PDE4D: variants seen among roughly 807,000 people sequenced by gnomAD.
PDE4D encodes 3',5'-cyclic-AMP phosphodiesterase 4D.
Under a neutral mutation model 87.4 loss-of-function variants are expected in PDE4D, and 24 were observed. That is an observed-to-expected ratio of 0.27 (90% CI 0.20 to 0.39). PDE4D has a LOEUF of 0.39. Among genes scored for constraint, PDE4D ranks in the 10% least tolerant of loss-of-function variants. The probability of loss-of-function intolerance (pLI) is 1.00; values close to 1 mark genes in which losing one functional copy is unlikely to be tolerated. For missense variants in PDE4D, 714 were observed against 1,041.0 expected, an observed-to-expected ratio of 0.69 and a Z score of 4.32; for synonymous variants, 384 against 383.2, an observed-to-expected ratio of 1.00 and a Z score of -0.02.
At chr5:59,916,991 AG>A (rs1206617202) in intron 3 of PDE4D, among the ~76,000 whole-genome samples, 9 of 55,090 alleles carry the variant, frequency 1.6e-4, no homozygotes, top group Non-Finnish European at 2.3e-4. Context: ...TTTAGTAGAG[AG>A]GGGGTTTCAT....
At chr5:59,179,973 T>C (rs1347670304) in intron 5 of PDE4D, among the ~76,000 whole-genome samples, 3 of 152,164 alleles carry the variant, frequency 2.0e-5, no homozygotes, top group Non-Finnish European at 4.4e-5. Flanking sequence ...GGAATTGAGA[T>C]AATTTTATTT....
chr5:59,200,367 A>G lies in PDE4D; in HGVS notation c.648-6831T>C, dbSNP rs1306769786. On this transcript the variant is annotated intron_variant, in intron 2 of 14. Coordinates refer to ENST00000340635, the MANE Select transcript of PDE4D (RefSeq NM_001104631.2). ...TACACGTATACATACACGTGTATGTACAGCTACACGTATACATACACGTGT... is the reference window on the plus strand; with the variant it reads ...TACACGTATACATACACGTGTATGTGCAGCTACACGTATACATACACGTGT... Among the ~76,000 whole-genome samples, 9 of 80,794 alleles carry G rather than the reference A, an allele frequency of 1.1e-4. 1 individual carries two copies. The highest frequency in any genetic ancestry group is 5.6e-4 in the African/African-American group (9 of 16,024). The allele number at this position is 80,794 out of a possible 152,430, so 53.0% of individuals were successfully genotyped here. A position where few individuals can be genotyped will look rare whatever the true frequency, so the allele number is the denominator to read the frequency against.
At chr5:59,876,532 C>T (rs1748632143) in intron 1 of PDE4D, among the ~76,000 whole-genome samples, 1 of 152,114 alleles carries the variant, frequency 6.6e-6, no homozygotes, top group East Asian at 1.9e-4. Context: ...CTAATAATAT[C>T]AACCTATTTA....
At position 59,646,832 on chromosome 5, in the gene PDE4D, G is replaced by C. The variant is rs540710232; in HGVS notation, c.455+246336C>G. ...AGGCGGATCATGAGGTCAGGAGATC[G>C]AGACCATCCTGGCTAACATGGTGAA... is the stretch of plus-strand genomic sequence containing the variant. On this transcript the variant is annotated intron_variant, in intron 1 of 14. Coordinates refer to ENST00000340635, the MANE Select transcript of PDE4D (RefSeq NM_001104631.2). 1.3e-4 allele frequency among the ~76,000 whole-genome samples: 20 copies of C among 152,172 alleles called. No individual in the cohort carries two copies. The South Asian group carries it at 3.5e-3, about 27-fold the overall frequency.
intron 2 of PDE4D, among the ~76,000 whole-genome samples, chr5:60,013,328 T>G (rs912936675): frequency 6.6e-6 from 1 of 152,198 alleles, no homozygotes; most frequent in African/African-American, 2.4e-5. Context: ...CCTTGAGCTA[T>G]GCAAGCGCTG....
chr5:59,029,878 A>AC (rs1203969186), intron 6 of PDE4D, among the ~76,000 whole-genome samples: 1 of 152,202 alleles, frequency 6.6e-6, no homozygotes, highest in African/African-American at 2.4e-5. Flanking sequence ...CCAGAAGTAA[A>AC]TCCAAGTATT....
At chr5:59,007,808 C>T (rs1409350687) in intron 6 of PDE4D, among the ~76,000 whole-genome samples, 1 of 151,820 alleles carries the variant, frequency 6.6e-6, no homozygotes, top group Non-Finnish European at 1.5e-5. Context: ...AGCTGAGAAT[C>T]GTTCTCTAAA....
intron 1 of PDE4D, among the ~76,000 whole-genome samples, chr5:59,698,472 A>C (rs1339715738): frequency 6.6e-6 from 1 of 151,478 alleles, no homozygotes; most frequent in Non-Finnish European, 1.5e-5. Context: ...GCAGAAGGAA[A>C]GAGATCTGAA....
intron 3 of PDE4D, among the ~76,000 whole-genome samples, chr5:59,959,876 C>G (rs946786939): frequency 1.3e-5 from 2 of 152,158 alleles, no homozygotes; most frequent in Non-Finnish European, 2.9e-5. Flanking sequence ...AGCTTCTGAA[C>G]AGCAAAAGAA....
chr5:59,425,263 C>A (rs771488494), intron 1 of PDE4D, among the ~76,000 whole-genome samples: 1 of 152,102 alleles, frequency 6.6e-6, no homozygotes, highest in South Asian at 2.1e-4. Context: ...AAATATCAAT[C>A]ATCTAGATAT....
At chr5:59,687,065 T>C (rs1749994532) in intron 1 of PDE4D, among the ~76,000 whole-genome samples, 1 of 152,144 alleles carries the variant, frequency 6.6e-6, no homozygotes, top group African/African-American at 2.4e-5. Context: ...GACTGGCTAT[T>C]TGAAAGAATG....
intron 3 of PDE4D, among the ~76,000 whole-genome samples, chr5:59,957,519 C>T (rs986760316): frequency 6.6e-6 from 1 of 151,722 alleles, no homozygotes; most frequent in Non-Finnish European, 1.5e-5. Flanking sequence ...AAAGCTCTTC[C>T]CTTCTAATAT....
intron 1 of PDE4D, among the ~76,000 whole-genome samples, chr5:59,507,695 A>AAAAGAAAAGG (rs1341810263): frequency 1.3e-5 from 2 of 149,968 alleles, no homozygotes; most frequent in African/African-American, 4.9e-5. Context: ...AAAAGAAAAG[A>AAAAGAAAAGG]AAAAAGAAAG....
intron 1 of PDE4D, among the ~76,000 whole-genome samples, chr5:60,362,552 G>A (rs1760159633): frequency 6.6e-6 from 1 of 152,168 alleles, no homozygotes; most frequent in Non-Finnish European, 1.5e-5. Flanking sequence ...TTAGGGTACA[G>A]ATAAGAAATA....
intron 1 of PDE4D, among the ~76,000 whole-genome samples, chr5:59,443,798 T>C (rs1005380642): frequency 6.6e-6 from 1 of 152,228 alleles, no homozygotes; most frequent in African/African-American, 2.4e-5. Context: ...GTCTAAGAGA[T>C]AACCAGTCAA....
intron 1 of PDE4D, among the ~76,000 whole-genome samples, chr5:59,677,281 G>T (rs369846388): frequency 6.6e-6 from 1 of 152,118 alleles, no homozygotes; most frequent in Non-Finnish European, 1.5e-5. Context: ...GTCTTACACA[G>T]TGATTTAATT....
chr5:59,329,952 T>C (rs1196008624), intron 1 of PDE4D, among the ~76,000 whole-genome samples: 3 of 152,178 alleles, frequency 2.0e-5, no homozygotes. Flanking sequence ...TTGTGCAAAG[T>C]CAAAAAGTAA....
chr5:59,793,489 T>C (rs898656495), intron 1 of PDE4D, among the ~76,000 whole-genome samples: 3 of 152,238 alleles, frequency 2.0e-5, no homozygotes, highest in African/African-American at 7.2e-5. Flanking sequence ...ACCTCCAACT[T>C]CACTGGCAGT....
rs1324281133 is a variant in PDE4D, at chr5:59,396,043, A to G, written c.456-180075T>C. On this transcript the variant is annotated intron_variant, in intron 1 of 14. Coordinates refer to ENST00000340635, the MANE Select transcript of PDE4D (RefSeq NM_001104631.2). ...GGAAAGTTTAGAGAAAAAAGAATAA[A>G]AAGAAACGAGCAAAGCCTCCAAGAA... is the stretch of plus-strand genomic sequence containing the variant. 2.5e-5 allele frequency among the ~76,000 whole-genome samples: 3 copies of G among 120,200 alleles called. 1 individual carries two copies. Among genetic ancestry groups the G allele is most frequent in the African/African-American group, 1.0e-4 (3 of 29,814 alleles). 78.9% of individuals were successfully genotyped at this position (120,200 alleles called of 152,430 possible). A position where few individuals can be genotyped will look rare whatever the true frequency, so the allele number is the denominator to read the frequency against.
Sources: gnomAD v4.1 joint callset for allele counts (sites outside exome capture counted in the v4.1 genomes callset) on GRCh38, gnomAD v4.1.1 for gene constraint, MANE v1.5 for transcripts, NCBI Gene and HGNC (gene_info 2026-07-23, HGNC 2026-07-21) for gene names.